The following TBX15 variants were observed in gnomAD, a reference collection of about 807,000 sequenced individuals.
TBX15 encodes T-box transcription factor 15.
Under a neutral mutation model 53.9 loss-of-function variants are expected in TBX15, and 18 were observed. The observed-to-expected ratio is 0.33, with a 90% CI of 0.23 to 0.49. The LOEUF is 0.49. TBX15 is among the 20% of genes least tolerant of loss of function. TBX15 has a pLI of 0.98. For missense variants in TBX15, 692 were observed against 749.5 expected (o/e 0.92, Z 0.90); for synonymous variants, 295 against 278.0 (o/e 1.06, Z -0.61).
At chr1:118,897,356 T>A (rs915361464) in intron 7 of TBX15, among the ~76,000 whole-genome samples, 1 of 152,084 alleles carries the variant, frequency 6.6e-6, no homozygotes, top group Non-Finnish European at 1.5e-5. Context: ...CTGTAGTAGA[T>A]CTTGGGGATA....
Position 118,957,740 on chromosome 1 carries a change from C to T in TBX15, c.206-25908G>A, listed in dbSNP as rs560739482. 1.4e-4 allele frequency among the ~76,000 whole-genome samples: 22 copies of T among 152,232 alleles called. No homozygotes were observed. In the South Asian group the frequency reaches 2.3e-3, roughly 16 times the overall value. ...TGCAGTGTTTGGTTTTTTGTCCTCG[C>T]GATAGTTTGCTGAGAATGATGGTTT... is the stretch of plus-strand genomic sequence containing the variant. On this transcript the variant is annotated intron_variant, in intron 1 of 7. Coordinates refer to ENST00000369429, the MANE Select transcript of TBX15 (RefSeq NM_001330677.2).
chr1:118,944,577 T>C (rs1656284928), intron 1 of TBX15, among the ~76,000 whole-genome samples: 1 of 152,198 alleles, frequency 6.6e-6, no homozygotes, highest in Non-Finnish European at 1.5e-5. Flanking sequence ...TGGTGTGTTG[T>C]TGAGTGTCTG....
intron 6 of TBX15, among the ~76,000 whole-genome samples, chr1:118,903,697 A>T (rs112758142): frequency 4.2e-4 from 64 of 152,320 alleles, no homozygotes; most frequent in African/African-American, 1.5e-3. Flanking sequence ...TCTTGAAGTA[A>T]TAAGAGAATT....
At chr1:118,923,928 C>T (rs1243666697) in intron 4 of TBX15, among the ~76,000 whole-genome samples, 1 of 152,176 alleles carries the variant, frequency 6.6e-6, no homozygotes, top group African/African-American at 2.4e-5. Context: ...ACAAGTTGTT[C>T]CCTCCAGCTT....
intron 5 of TBX15, among the ~76,000 whole-genome samples, chr1:118,914,908 T>C (rs1269043038): frequency 6.6e-6 from 1 of 152,212 alleles, no homozygotes; most frequent in African/African-American, 2.4e-5. Context: ...CTGACCAAGC[T>C]AGCACATCCA....
chr1:118,953,078 T>TG (rs2101659988), intron 1 of TBX15, among the ~76,000 whole-genome samples: 1 of 128,042 alleles, frequency 7.8e-6, no homozygotes, highest in East Asian at 3.0e-4. Flanking sequence ...GAATAGTTTC[T>TG]GAAAAAAAAA....
chr1:118,905,110 A>T (rs1654769445), intron 6 of TBX15, among the ~76,000 whole-genome samples: 1 of 152,210 alleles, frequency 6.6e-6, no homozygotes, highest in African/African-American at 2.4e-5. Context: ...TGTAACCTAT[A>T]ATAGAAGAAT....
At chr1:118,985,268 C>T (rs1336475496) in intron 1 of TBX15, among the ~76,000 whole-genome samples, 1 of 152,180 alleles carries the variant, frequency 6.6e-6, no homozygotes, top group Non-Finnish European at 1.5e-5. Flanking sequence ...AGACGCTGCC[C>T]TGGGCACAAT....
intron 1 of TBX15, among the ~76,000 whole-genome samples, chr1:118,958,789 C>A (rs767889122): frequency 2.0e-5 from 3 of 152,056 alleles, no homozygotes; most frequent in Admixed American, 6.6e-5. Flanking sequence ...CAACTCTACC[C>A]GGCCACTACC....
At position 118,987,593 on chromosome 1, in the gene TBX15, G is replaced by C; in HGVS notation, c.203C>G (p.Pro68Arg). 1 of 1,546,082 alleles carries C rather than the reference G, an allele frequency of 6.5e-7. No homozygotes were observed. ...DAAAHGLEPH[P>R]DSEQSTGSDS... ...GCGGTCGGCTGCGACGCACTCACCCGGGTGAGGCTCCAGGCCGTGTGCCGC... is the reference window on the plus strand; with the variant it reads ...GCGGTCGGCTGCGACGCACTCACCCCGGTGAGGCTCCAGGCCGTGTGCCGC... The change falls in exon 1 of 8, where the codon CCG becomes CGG. Residue 68 changes from proline (P) to arginine (R), a missense_variant and splice_region_variant. Physicochemically the swap from Pro to Arg is moderately radical, Grantham distance 103 (BLOSUM62 -2). Around this residue, in one of 3 missense-constraint regions of TBX15, gnomAD observed 307 missense variants for 347.5 expected, o/e 0.88. Transcript: ENST00000369429.
chr1:118,907,141 C>G (rs1267929351), intron 6 of TBX15, among the ~76,000 whole-genome samples: 11 of 152,142 alleles, frequency 7.2e-5, no homozygotes, highest in Admixed American at 7.2e-4. Context: ...ATGGGACCAA[C>G]AGCAGTGGCT....
intron 1 of TBX15, among the ~76,000 whole-genome samples, chr1:118,944,224 A>G (rs553539235): frequency 1.3e-5 from 2 of 152,268 alleles, no homozygotes; most frequent in East Asian, 3.9e-4. Context: ...TCTTCCCAAA[A>G]GGGAATGAGT....
intron 6 of TBX15, among the ~76,000 whole-genome samples, chr1:118,900,889 G>C (rs1250413607): frequency 6.6e-6 from 1 of 152,108 alleles, no homozygotes; most frequent in East Asian, 1.9e-4. Flanking sequence ...TCCCTTTAAT[G>C]GCACAGGAGG....
At chr1:118,900,725 G>A (rs1327878848) in intron 6 of TBX15, among the ~76,000 whole-genome samples, 1 of 152,176 alleles carries the variant, frequency 6.6e-6, no homozygotes, top group Non-Finnish European at 1.5e-5. Flanking sequence ...TTTGTGGAGA[G>A]AAAGAGCCCA....
At chr1:118,885,595 GA>G (rs1157463230) in intron 7 of TBX15, 79 bp from the exon 8 acceptor site, 2 of 1,524,498 alleles carry the variant, frequency 1.3e-6, no homozygotes, top group East Asian at 4.9e-5. Flanking sequence ...AGCCATACAG[GA>G]GGTGCCTTCA....
chr1:118,933,211 C>T (rs909413272), intron 1 of TBX15, among the ~76,000 whole-genome samples: 5 of 152,138 alleles, frequency 3.3e-5, no homozygotes, highest in Non-Finnish European at 7.3e-5. Context: ...CAGGCAGCAT[C>T]TCTGGCAAGA....
At chr1:118,904,425 A>G (rs1654743650) in intron 6 of TBX15, among the ~76,000 whole-genome samples, 1 of 151,992 alleles carries the variant, frequency 6.6e-6, no homozygotes, top group Admixed American at 6.6e-5. Flanking sequence ...ATTCTAAAAG[A>G]CCTCCCAGCA....
intron 2 of TBX15, 64 bp from the exon 3 acceptor site, chr1:118,926,675 C>T (rs1655606595): frequency 2.2e-6 from 3 of 1,381,478 alleles, no homozygotes; most frequent in Non-Finnish European, 3.1e-6. Context: ...GGGGTAAAAG[C>T]TTAAACAATG....
At chr1:118,947,424 G>A (rs1656381436) in intron 1 of TBX15, among the ~76,000 whole-genome samples, 1 of 152,188 alleles carries the variant, frequency 6.6e-6, no homozygotes, top group East Asian at 1.9e-4. Context: ...AGGTAGGAGT[G>A]TTAGTCCTGG....
Sources: allele counts gnomAD v4.1 joint callset (sites outside exome capture counted in the v4.1 genomes callset), GRCh38; gene constraint gnomAD v4.1.1; regional missense constraint gnomAD v4.1.1; transcripts MANE v1.5; gene names NCBI Gene and HGNC (gene_info 2026-07-23, HGNC 2026-07-21).